SLCO4C1: variants seen among roughly 807,000 people sequenced by gnomAD.
SLCO4C1 encodes the protein organic anion transporter M1.
Under a neutral mutation model 72.1 loss-of-function variants are expected in SLCO4C1, and 58 were observed. The ratio of observed to expected loss-of-function variants is 0.80; its 90% CI spans 0.65 to 1.00. The LOEUF is 1.00. Among genes scored for constraint, SLCO4C1 ranks in the 50% least tolerant of loss-of-function variants. SLCO4C1 has a pLI of 0.00. For missense variants in SLCO4C1, 898 were observed against 857.9 expected, an observed-to-expected ratio of 1.05 and a Z score of -0.58; for synonymous variants, 297 against 312.5, an observed-to-expected ratio of 0.95 and a Z score of 0.52.
intron 8 of SLCO4C1, among the ~76,000 whole-genome samples, chr5:102,251,748 A>G (rs1748743601): frequency 6.6e-6 from 1 of 152,200 alleles, no homozygotes. Context: ...AGATTTCTTA[A>G]TAACCATTTG....
Position 102,247,323 on chromosome 5 carries a change from G to A in SLCO4C1, c.1740C>T (p.Phe580=). ...TAATTACAATAAAGAAAATGCAAAG[G>A]AATATGGGCAGTTTCGCACAATGAG... The part of the protein sequence containing the change: ...CETHCAKLPI[F]LCIFFIVIIF... The change falls in exon 10 of 13, where the codon TTC becomes TTT. Residue 580 remains phenylalanine (F), a synonymous_variant. Coordinates refer to ENST00000310954, the MANE Select transcript of SLCO4C1 (RefSeq NM_180991.5). 2 of 1,595,502 alleles carry A rather than the reference G, an allele frequency of 1.3e-6. No homozygotes were observed. Among genetic ancestry groups the A allele is most frequent in the Admixed American group, 1.7e-5 (1 of 59,700 alleles).
chr5:102,281,868 T>C (rs999876298), intron 2 of SLCO4C1, among the ~76,000 whole-genome samples: 2 of 152,094 alleles, frequency 1.3e-5, no homozygotes, highest in Non-Finnish European at 2.9e-5. Flanking sequence ...AAACTAAACA[T>C]AGAATTTTCA....
intron 2 of SLCO4C1, among the ~76,000 whole-genome samples, chr5:102,277,213 A>G (rs1749262527): frequency 1.3e-5 from 2 of 152,224 alleles, no homozygotes; most frequent in Admixed American, 1.3e-4. Context: ...GTCAAATACC[A>G]CAGAGAAAAA....
chr5:102,261,683 G>A (rs1469241258), intron 5 of SLCO4C1, among the ~76,000 whole-genome samples: 2 of 151,356 alleles, frequency 1.3e-5, no homozygotes, highest in East Asian at 3.9e-4. Flanking sequence ...GTACTAAAGA[G>A]GTAAATATTC....
At chr5:102,237,264 G>A (rs1395962362) in intron 12 of SLCO4C1, among the ~76,000 whole-genome samples, 1 of 152,102 alleles carries the variant, frequency 6.6e-6, no homozygotes, top group Non-Finnish European at 1.5e-5. Context: ...TCTTGGTTAT[G>A]CTTGTGCATT....
At chr5:102,257,845 A>T (rs1748866711) in intron 7 of SLCO4C1, 98 bp downstream of exon 7, 4 of 1,165,386 alleles carry the variant, frequency 3.4e-6, no homozygotes, top group Admixed American at 5.3e-5. Context: ...GTTTTAGTTT[A>T]AATTTCAAGG....
At chr5:102,253,384 CA>C (rs918243367) in intron 8 of SLCO4C1, among the ~76,000 whole-genome samples, 1 of 151,988 alleles carries the variant, frequency 6.6e-6, no homozygotes, top group Non-Finnish European at 1.5e-5. Context: ...TTAACACAGG[CA>C]CAGAAAACCA....
intron 12 of SLCO4C1, among the ~76,000 whole-genome samples, chr5:102,238,995 G>A (rs1022017345): frequency 6.6e-6 from 1 of 152,078 alleles, no homozygotes; most frequent in African/African-American, 2.4e-5. Context: ...TAAAAGAAAA[G>A]TATATACTGT....
chr5:102,249,155 G>A (rs532701694), intron 9 of SLCO4C1, among the ~76,000 whole-genome samples: 33 of 152,030 alleles, frequency 2.2e-4, no homozygotes, highest in Non-Finnish European at 4.0e-4. Flanking sequence ...GAACAACACA[G>A]GTTTGAACTG....
intron 9 of SLCO4C1, among the ~76,000 whole-genome samples, chr5:102,248,720 T>C (rs1748681471): frequency 6.6e-6 from 1 of 152,158 alleles, no homozygotes; most frequent in African/African-American, 2.4e-5. Flanking sequence ...CATTGTTTTC[T>C]TTTATACCAC....
intron 8 of SLCO4C1, among the ~76,000 whole-genome samples, chr5:102,252,089 GA>G (rs1204008847): frequency 6.8e-6 from 1 of 147,976 alleles, no homozygotes; most frequent in Non-Finnish European, 1.5e-5. Flanking sequence ...AGGAAGGGAA[GA>G]AGGGAGGAAG....
At chr5:102,270,541 G>T in intron 3 of SLCO4C1, 83 bp downstream of exon 3, 2 of 1,216,558 alleles carry the variant, frequency 1.6e-6, no homozygotes, top group South Asian at 2.6e-5. Context: ...TAACTTTTTA[G>T]TAAGCCTATG....
In SLCO4C1 at chr5:102,291,333, A is replaced by G; in HGVS notation, c.619+10T>C. ...AGATTAAAACAAACATAAACACAAT[A>G]GAAACTTACCTTCAAAAAGAGACCC... On this transcript the variant is annotated intron_variant, in intron 2 of 12. Coordinates refer to ENST00000310954, the MANE Select transcript of SLCO4C1 (RefSeq NM_180991.5). 1 of 1,608,248 alleles carries G rather than the reference A, an allele frequency of 6.2e-7. No individual in the cohort carries two copies. Among genetic ancestry groups the G allele is most frequent in the East Asian group, 2.2e-5 (1 of 44,848 alleles).
At chr5:102,240,842 G>T in intron 10 of SLCO4C1, 60 bp from the exon 11 acceptor site, 2 of 1,197,012 alleles carry the variant, frequency 1.7e-6, no homozygotes, top group Non-Finnish European at 2.4e-6. Context: ...CACTCTTTGA[G>T]CAAGTTCACA....
rs778046702 is a variant in SLCO4C1 at position 102,257,302 on chromosome 5, A to T, written c.1282T>A (p.Leu428Ile). 1 of 1,593,100 alleles carries T rather than the reference A, an allele frequency of 6.3e-7. No individual in the cohort carries two copies. The highest frequency in any genetic ancestry group is 1.8e-5 in the Admixed American group (1 of 54,666). The change falls in exon 8 of 13, where the codon TTA becomes ATA. Residue 428 changes from leucine to isoleucine, a missense_variant. Coordinates refer to ENST00000310954, the MANE Select transcript of SLCO4C1 (RefSeq NM_180991.5). ...TGACCGAGAGCAGCTCCAGGAATTA[A>T]AACAGCCCCTAATAAGAAAAAAGAA... The part of the protein sequence containing the change: ...SFAATLGGAV[L>I]IPGAALGQIL...
intron 2 of SLCO4C1, among the ~76,000 whole-genome samples, chr5:102,288,234 T>A (rs1749492100): frequency 6.6e-6 from 1 of 152,216 alleles, no homozygotes; most frequent in South Asian, 2.1e-4. Context: ...ACTGGATATA[T>A]AATATGCAGT....
Position 102,281,155 on chromosome 5 carries a change from A to G in SLCO4C1, c.619+10188T>C, listed in dbSNP as rs571789039. ...GAGATCCCAGAAATATAGCTATACA[A>G]ATATGCCCAACTGATTTTTGAAAAG... On this transcript the variant is annotated intron_variant, in intron 2 of 12. Coordinates refer to ENST00000310954, the MANE Select transcript of SLCO4C1 (RefSeq NM_180991.5). Among the ~76,000 whole-genome samples the G allele has an allele frequency of 1.4e-4, 22 of 152,274 alleles. 1 individual carries two copies. The South Asian group carries it at 4.1e-3, about 29-fold the overall frequency.
At chr5:102,280,442 A>G (rs1386879139) in intron 2 of SLCO4C1, among the ~76,000 whole-genome samples, 2 of 151,466 alleles carry the variant, frequency 1.3e-5, no homozygotes, top group African/African-American at 4.9e-5. Context: ...TAAAATACTG[A>G]TGAAAAAAAT....
intron 10 of SLCO4C1, among the ~76,000 whole-genome samples, chr5:102,241,115 T>C (rs1402906003): frequency 3.3e-5 from 5 of 152,078 alleles, no homozygotes; most frequent in African/African-American, 1.2e-4. Context: ...TGTACCTCAA[T>C]ATAATAGAGC....
Sources: allele counts gnomAD v4.1 joint callset (sites outside exome capture counted in the v4.1 genomes callset), GRCh38; gene constraint gnomAD v4.1.1; transcripts MANE v1.5; gene names NCBI Gene and HGNC (gene_info 2026-07-23, HGNC 2026-07-21).